RBFOX3: variants seen among roughly 807,000 people sequenced by gnomAD.
RBFOX3 encodes the protein RNA binding protein fox-1 homolog 3.
In RBFOX3, 17 loss-of-function variants were observed where a neutral mutation model predicts 48.7. That is an observed-to-expected ratio of 0.35 (90% CI 0.24 to 0.52). The LOEUF is 0.52. Among genes scored for constraint, RBFOX3 ranks in the 20% least tolerant of loss-of-function variants. The pLI is 0.94. For synonymous variants in RBFOX3, 212 were observed against 209.5 expected, an observed-to-expected ratio of 1.01 and a Z score of -0.10; for missense variants, 382 against 497.5, an observed-to-expected ratio of 0.77 and a Z score of 2.21.
intron 2 of RBFOX3, among the ~76,000 whole-genome samples, chr17:79,389,164 C>T (rs778335249): frequency 3.0e-4 from 46 of 152,330 alleles, no homozygotes; most frequent in Non-Finnish European, 6.0e-4. Flanking sequence ...TTTGGGGTCC[C>T]CTTCCTCTCT....
At chr17:79,177,213 C>CA (rs1442399987) in intron 4 of RBFOX3, among the ~76,000 whole-genome samples, 5 of 152,230 alleles carry the variant, frequency 3.3e-5, no homozygotes, top group Non-Finnish European at 5.9e-5. Flanking sequence ...CTCCTCTCCC[C>CA]CCCCGCCCTC....
intron 4 of RBFOX3, among the ~76,000 whole-genome samples, chr17:79,143,041 C>T: frequency 6.6e-6 from 1 of 152,142 alleles, no homozygotes; most frequent in Non-Finnish European, 1.5e-5. Context: ...GATGCTGGTC[C>T]CTGCACATCT....
chr17:79,221,746 C>T (rs939586560), intron 4 of RBFOX3, among the ~76,000 whole-genome samples: 4 of 152,178 alleles, frequency 2.6e-5, no homozygotes, highest in African/African-American at 9.7e-5. Context: ...AGGTGGGGGT[C>T]GGTGGCTGGA....
intron 9 of RBFOX3, among the ~76,000 whole-genome samples, chr17:79,100,954 G>A (rs928204774): frequency 3.9e-5 from 6 of 152,170 alleles, no homozygotes; most frequent in Non-Finnish European, 7.4e-5. Context: ...GGGCCTCAGG[G>A]CCACCCATGT....
At chr17:79,484,846 C>G (rs1233314639) in intron 1 of RBFOX3, among the ~76,000 whole-genome samples, 1 of 152,204 alleles carries the variant, frequency 6.6e-6, no homozygotes, top group Non-Finnish European at 1.5e-5. Context: ...CTGCTGTCCA[C>G]ACCCCCACAG....
rs2146306437 is a variant in RBFOX3, at chr17:79,330,280, A to G, written c.-174-22456T>C. Reference sequence around the variant, plus strand: ...TGTCACCCTCATTGAGGTGAAATTGAAGGGTTTGGGGTATCATGCTGGTTT... The same window carrying G: ...TGTCACCCTCATTGAGGTGAAATTGGAGGGTTTGGGGTATCATGCTGGTTT... On this transcript the variant is annotated intron_variant, in intron 2 of 14. Coordinates refer to ENST00000693108, the MANE Select transcript of RBFOX3 (RefSeq NM_001350451.2). 2.0e-5 allele frequency among the ~76,000 whole-genome samples: 3 copies of G among 152,112 alleles called. No individual in the cohort carries two copies. In the South Asian group the frequency reaches 6.2e-4, roughly 32 times the overall value.
chr17:79,429,705 A>T (rs9893556), intron 2 of RBFOX3, among the ~76,000 whole-genome samples: 1 of 151,916 alleles, frequency 6.6e-6, no homozygotes, highest in African/African-American at 2.4e-5. Flanking sequence ...TCCATTTTAC[A>T]GAAGACAAAA....
intron 2 of RBFOX3, among the ~76,000 whole-genome samples, chr17:79,341,457 C>T (rs1465428289): frequency 6.6e-6 from 1 of 152,168 alleles, no homozygotes; most frequent in Admixed American, 6.5e-5. Context: ...CCTCTTCGTG[C>T]GTAACTAATT....
At chr17:79,591,875 ATGTGCACGTGTGGAGGGTGTGTGGAGGGG>A (rs2093427111) in intron 1 of RBFOX3, among the ~76,000 whole-genome samples, 3 of 100,796 alleles carry the variant, frequency 3.0e-5, no homozygotes, top group Admixed American at 2.7e-4. Context: ...GTGTGGAGGC[ATGTGCACGTGTGGAGGGTGTGTGGAGGGG>A]TGTGCATGTG....
chr17:79,162,133 T>A (rs1287515914), intron 4 of RBFOX3, among the ~76,000 whole-genome samples: 1 of 152,218 alleles, frequency 6.6e-6, no homozygotes, highest in Non-Finnish European at 1.5e-5. Flanking sequence ...TCTGGTCCCA[T>A]TAAACTAGCA....
the RBFOX3 span, among the ~76,000 whole-genome samples, chr17:79,657,932 A>G: frequency 1.3e-5 from 2 of 152,098 alleles, no homozygotes; most frequent in African/African-American, 4.8e-5. Flanking sequence ...CCTCCTGGAG[A>G]CACAGAGGGC....
At chr17:79,328,580 G>A (rs1016367599) in intron 2 of RBFOX3, among the ~76,000 whole-genome samples, 3 of 152,220 alleles carry the variant, frequency 2.0e-5, no homozygotes, top group African/African-American at 7.2e-5. Context: ...TCTGGGTGGT[G>A]AGATGCTGCT....
At chr17:79,247,310 A>ATAT (rs769318981) in intron 3 of RBFOX3, among the ~76,000 whole-genome samples, 6 of 116,560 alleles carry the variant, frequency 5.1e-5, no homozygotes, top group African/African-American at 2.0e-4. Flanking sequence ...ACATAATCGT[A>ATAT]TTTTTTTTTT....
chr17:79,112,135 C>T (rs958198004), intron 5 of RBFOX3, among the ~76,000 whole-genome samples: 3 of 152,178 alleles, frequency 2.0e-5, no homozygotes, highest in Non-Finnish European at 2.9e-5. Flanking sequence ...GGGGAGGAGC[C>T]TTCCTGGGGA....
In RBFOX3 at chr17:79,254,399, GCCC is replaced by G. The variant is rs2064444508; in HGVS notation, c.-73-18597_-73-18595del. Among the ~76,000 whole-genome samples, 1 of 150,932 alleles carries G rather than the reference GCCC, an allele frequency of 6.6e-6. No individual in the cohort carries two copies. Among genetic ancestry groups the G allele is most frequent in the South Asian group, 2.1e-4 (1 of 4,750 alleles). On this transcript the variant is annotated intron_variant, in intron 3 of 14. Coordinates refer to ENST00000693108, the MANE Select transcript of RBFOX3 (RefSeq NM_001350451.2). This position sits in a 1 kb window ranked among gnomAD's most constrained non-coding sequence, Gnocchi z 4.8. ...CCTAGCTCCACATACCCCCAAACCT[GCCC>G]CCCAATCCAGGACACATGGCACCAG... is the stretch of plus-strand genomic sequence containing the variant.
intron 2 of RBFOX3, among the ~76,000 whole-genome samples, chr17:79,354,577 G>A (rs1251519702): frequency 6.6e-6 from 1 of 152,264 alleles, no homozygotes; most frequent in Non-Finnish European, 1.5e-5. Context: ...CTTCCACCAC[G>A]GGGAGAAACC....
chr17:79,149,579 G>A (rs987700762), intron 4 of RBFOX3, among the ~76,000 whole-genome samples: 1 of 152,082 alleles, frequency 6.6e-6, no homozygotes, highest in Non-Finnish European at 1.5e-5. Context: ...GGGGTCCGTG[G>A]ACGATTCCTC....
chr17:79,493,141 G>A (rs2080943530), intron 1 of RBFOX3, among the ~76,000 whole-genome samples: 1 of 151,958 alleles, frequency 6.6e-6, no homozygotes, highest in Non-Finnish European at 1.5e-5. Context: ...GGGAGGAGGC[G>A]TATCACACGG....
intron 1 of RBFOX3, among the ~76,000 whole-genome samples, chr17:79,496,756 A>T (rs2081596053): frequency 6.6e-6 from 1 of 152,074 alleles, no homozygotes; most frequent in African/African-American, 2.4e-5. Context: ...ACAGCCTAGG[A>T]CACAGTGATG....
Sources: gnomAD v4.1 joint callset for allele counts (sites outside exome capture counted in the v4.1 genomes callset) on GRCh38, gnomAD v4.1.1 for gene constraint, Gnocchi (gnomAD v3.1) non-coding constraint, MANE v1.5 for transcripts, NCBI Gene and HGNC (gene_info 2026-07-23, HGNC 2026-07-21) for gene names.